SGCZ: variants seen among roughly 807,000 people sequenced by gnomAD.
SGCZ encodes zeta-sarcoglycan.
In SGCZ, 40 loss-of-function variants were observed where a neutral mutation model predicts 41.3. That is an observed-to-expected ratio of 0.97 (90% CI 0.75 to 1.26). SGCZ has a LOEUF of 1.26. SGCZ is among the 50% of genes most tolerant of loss of function. The pLI is 0.00. For synonymous variants in SGCZ, 206 were observed against 137.5 expected, an observed-to-expected ratio of 1.50 and a Z score of -3.49; for missense variants, 552 against 369.8, an observed-to-expected ratio of 1.49 and a Z score of -4.04.
At chr8:14,219,847 C>T (rs552871209) in intron 4 of SGCZ, among the ~76,000 whole-genome samples, 2 of 72,438 alleles carry the variant, frequency 2.8e-5, no homozygotes, top group East Asian at 1.1e-3. Context: ...TCAAGCACCT[C>T]GAAAATTTCT....
At chr8:14,259,199 T>G (rs1405369959) in intron 3 of SGCZ, among the ~76,000 whole-genome samples, 1 of 152,180 alleles carries the variant, frequency 6.6e-6, no homozygotes, top group African/African-American at 2.4e-5. Context: ...ATAAAATACC[T>G]ACTGAGTTAA....
intron 1 of SGCZ, among the ~76,000 whole-genome samples, chr8:14,997,200 T>C (rs947489794): frequency 6.6e-6 from 1 of 152,242 alleles, no homozygotes; most frequent in Non-Finnish European, 1.5e-5. Flanking sequence ...GTGTTATATT[T>C]ACATAATTAA....
At chr8:14,752,132 C>CAAA (rs56243371) in intron 1 of SGCZ, among the ~76,000 whole-genome samples, 19,358 of 117,184 alleles carry the variant, frequency 0.17, 2,323 homozygotes, top group African/African-American at 0.34. Context: ...ACAAAAAAGC[C>CAAA]AAAAAAAAAA....
chr8:14,999,819 G>A (rs1380941845), intron 1 of SGCZ, among the ~76,000 whole-genome samples: 3 of 152,094 alleles, frequency 2.0e-5, no homozygotes, highest in Admixed American at 2.0e-4. Context: ...AAAGACAATC[G>A]CGGAACAGCA....
At chr8:14,886,495 GAACA>G (rs2130734072) in intron 1 of SGCZ, among the ~76,000 whole-genome samples, 1 of 152,108 alleles carries the variant, frequency 6.6e-6, no homozygotes, top group Non-Finnish European at 1.5e-5. Context: ...GGAGATATTT[GAACA>G]AACACCTCAG....
chr8:14,973,604 A>G (rs924844369), intron 1 of SGCZ, among the ~76,000 whole-genome samples: 3 of 152,210 alleles, frequency 2.0e-5, no homozygotes, highest in South Asian at 2.1e-4. Flanking sequence ...TTGACATCCA[A>G]TGCAACTCCT....
At chr8:14,931,089 T>C (rs1230545975) in intron 1 of SGCZ, among the ~76,000 whole-genome samples, 1 of 152,080 alleles carries the variant, frequency 6.6e-6, no homozygotes, top group Non-Finnish European at 1.5e-5. Context: ...AGATTCCAAA[T>C]CTGGTATGAG....
chr8:14,143,951 C>T (rs1438057303), intron 5 of SGCZ, among the ~76,000 whole-genome samples: 1 of 152,142 alleles, frequency 6.6e-6, no homozygotes, highest in Non-Finnish European at 1.5e-5. Context: ...AACATTTAAA[C>T]CAGCCCTAAC....
At chr8:14,995,912 C>T (rs532566110) in intron 1 of SGCZ, among the ~76,000 whole-genome samples, 14 of 150,954 alleles carry the variant, frequency 9.3e-5, no homozygotes, top group Non-Finnish European at 1.6e-4. Flanking sequence ...ATTTTCTTTG[C>T]TTTTTTTTTG....
intron 3 of SGCZ, among the ~76,000 whole-genome samples, chr8:14,248,403 T>A (rs918476515): frequency 6.6e-6 from 1 of 152,146 alleles, no homozygotes; most frequent in African/African-American, 2.4e-5. Context: ...GTATCCCAGA[T>A]GCGTATTTGT....
chr8:15,205,421 C>T (rs958198999), intron 1 of SGCZ, among the ~76,000 whole-genome samples: 4 of 152,010 alleles, frequency 2.6e-5, no homozygotes, highest in Non-Finnish European at 4.4e-5. Flanking sequence ...GAACAAACAA[C>T]CCTATTAAAA....
At chr8:15,033,987 A>G (rs981231728) in intron 1 of SGCZ, among the ~76,000 whole-genome samples, 4 of 152,208 alleles carry the variant, frequency 2.6e-5, no homozygotes, top group Non-Finnish European at 5.9e-5. Flanking sequence ...GCCAATCTTT[A>G]AAGACTAAAA....
chr8:14,711,702 G>C (rs547899333), intron 1 of SGCZ, among the ~76,000 whole-genome samples: 9 of 151,468 alleles, frequency 5.9e-5, no homozygotes, highest in Non-Finnish European at 1.0e-4. Context: ...TTACCATGTA[G>C]CATTAGTGTT....
At chr8:14,626,021 T>C (rs1210646632) in intron 1 of SGCZ, among the ~76,000 whole-genome samples, 1 of 152,226 alleles carries the variant, frequency 6.6e-6, no homozygotes, top group Non-Finnish European at 1.5e-5. Context: ...ATACTGTCGC[T>C]AGGGCAGACA....
chr8:14,734,907 G>C (rs1480971005), intron 1 of SGCZ, among the ~76,000 whole-genome samples: 2 of 152,034 alleles, frequency 1.3e-5, no homozygotes, highest in African/African-American at 4.8e-5. Context: ...GTTTTCTCTT[G>C]TTTAACATGG....
intron 2 of SGCZ, among the ~76,000 whole-genome samples, chr8:14,381,567 G>C (rs954947960): frequency 4.6e-5 from 7 of 151,722 alleles, no homozygotes; most frequent in African/African-American, 1.5e-4. Context: ...TTGAGCCCAG[G>C]AGTCTGAGAA....
chr8:14,622,672 A>C (rs1462542043), intron 1 of SGCZ, among the ~76,000 whole-genome samples: 1 of 152,202 alleles, frequency 6.6e-6, no homozygotes, highest in Non-Finnish European at 1.5e-5. Flanking sequence ...GCTCAAAGCT[A>C]GCAAGTGCCT....
At chr8:14,850,774 T>C (rs1451948507) in intron 1 of SGCZ, among the ~76,000 whole-genome samples, 1 of 152,126 alleles carries the variant, frequency 6.6e-6, no homozygotes, top group African/African-American at 2.4e-5. Flanking sequence ...GCTGTTCTCA[T>C]GATAGTGAGT....
At chr8:14,877,325 T>A (rs1455828871) in intron 1 of SGCZ, among the ~76,000 whole-genome samples, 1 of 152,152 alleles carries the variant, frequency 6.6e-6, no homozygotes, top group African/African-American at 2.4e-5. Flanking sequence ...CTTGGCTACA[T>A]CATGTCTGAC....
Sources: gnomAD v4.1 joint callset for allele counts (sites outside exome capture counted in the v4.1 genomes callset) on GRCh38, gnomAD v4.1.1 for gene constraint, MANE v1.5 for transcripts, NCBI Gene and HGNC (gene_info 2026-07-23, HGNC 2026-07-21) for gene names.